GRID2: variants seen among roughly 807,000 people sequenced by gnomAD.
GRID2 encodes the protein glutamate receptor ionotropic, delta-2.
Under a neutral mutation model 114.8 loss-of-function variants are expected in GRID2, and 33 were observed. The observed-to-expected ratio is 0.29, with a 90% confidence interval of 0.22 to 0.38. The LOEUF is 0.38. Among genes scored for constraint, GRID2 ranks in the 10% least tolerant of loss-of-function variants. The pLI, the probability that GRID2 is intolerant of heterozygous loss-of-function variation, is 1.00. For synonymous variants in GRID2, 505 were observed against 449.9 expected, an observed-to-expected ratio of 1.12 and a Z score of -1.55; for missense variants, 1,184 against 1,257.7, an observed-to-expected ratio of 0.94 and a Z score of 0.89.
intron 11 of GRID2, among the ~76,000 whole-genome samples, chr4:93,489,810 A>G (rs1161956660): frequency 1.3e-5 from 2 of 151,954 alleles, no homozygotes; most frequent in South Asian, 4.1e-4. Flanking sequence ...AGGAGAGTTA[A>G]TTTGGGAGTA....
At chr4:93,491,957 C>T (rs1727049473) in intron 12 of GRID2, among the ~76,000 whole-genome samples, 1 of 151,946 alleles carries the variant, frequency 6.6e-6, no homozygotes, top group African/African-American at 2.4e-5. Context: ...TCTAGTTTCT[C>T]TCATGAAATC....
At chr4:92,528,599 T>G (rs1725156636) in intron 1 of GRID2, among the ~76,000 whole-genome samples, 1 of 151,860 alleles carries the variant, frequency 6.6e-6, no homozygotes, top group African/African-American at 2.4e-5. Flanking sequence ...CAGGGTATAC[T>G]GGGGAAGAAA....
chr4:93,646,389 T>A (rs2149715040), intron 14 of GRID2, among the ~76,000 whole-genome samples: 1 of 152,146 alleles, frequency 6.6e-6, no homozygotes, highest in African/African-American at 2.4e-5. Context: ...GGGAACCAGC[T>A]GGGAGTGTTT....
chr4:92,543,472 G>GT (rs1726081581), intron 1 of GRID2, among the ~76,000 whole-genome samples: 1 of 152,050 alleles, frequency 6.6e-6, no homozygotes, highest in East Asian at 1.9e-4. Context: ...CTTATAATAT[G>GT]CACATCCTAT....
chr4:93,722,525 C>A (rs1047243953), intron 14 of GRID2, among the ~76,000 whole-genome samples: 2 of 152,226 alleles, frequency 1.3e-5, no homozygotes, highest in African/African-American at 4.8e-5. Flanking sequence ...ACCTTCTAAT[C>A]TTTGTGTCCC....
At chr4:93,434,117 A>G (rs527283571) in intron 10 of GRID2, among the ~76,000 whole-genome samples, 4 of 152,344 alleles carry the variant, frequency 2.6e-5, no homozygotes, top group Admixed American at 2.0e-4. Context: ...ATGAACCAAG[A>G]AAATGAATTC....
intron 11 of GRID2, among the ~76,000 whole-genome samples, chr4:93,489,705 T>TG (rs1159382527): frequency 3.3e-5 from 5 of 151,918 alleles, no homozygotes; most frequent in Admixed American, 3.3e-4. Flanking sequence ...TGACAGGACT[T>TG]GCTATTGAAG....
Position 92,848,218 on chromosome 4 carries a change from A to ATTT in GRID2, c.245-236764_245-236762dup, listed in dbSNP as rs72175096. 5.3e-3 allele frequency among the ~76,000 whole-genome samples: 750 copies of ATTT among 142,804 alleles called. 11 individuals carry two copies. The highest frequency in any genetic ancestry group is 0.018 in the African/African-American group (711 of 38,678). The allele number at this position is 142,804 out of a possible 152,430, so 93.7% of individuals were successfully genotyped here. ...AACAAACACAATCACACATTCAGGG[A>ATTT]TTTTTTTTTTTTTTTCACAGAGATC... is the stretch of plus-strand genomic sequence containing the variant. On this transcript the variant is annotated intron_variant, in intron 2 of 15. Coordinates refer to ENST00000282020, the MANE Select transcript of GRID2 (RefSeq NM_001510.4).
chr4:92,462,651 C>T (rs369235252), intron 1 of GRID2, among the ~76,000 whole-genome samples: 42 of 151,864 alleles, frequency 2.8e-4, no homozygotes, highest in African/African-American at 9.9e-4. Flanking sequence ...TAATGGACTC[C>T]CTAACCAAAA....
intron 8 of GRID2, among the ~76,000 whole-genome samples, chr4:93,384,397 A>G (rs1414239173): frequency 2.0e-5 from 3 of 151,844 alleles, no homozygotes; most frequent in African/African-American, 4.8e-5. Context: ...TTTTCTTATC[A>G]TTTTCTTTGA....
intron 13 of GRID2, among the ~76,000 whole-genome samples, chr4:93,583,353 A>C (rs947769364): frequency 1.3e-5 from 2 of 152,166 alleles, no homozygotes; most frequent in Non-Finnish European, 2.9e-5. Flanking sequence ...CTTTGCTTAA[A>C]AAATAAATAA....
At chr4:92,602,410 A>G (rs1729259719) in intron 2 of GRID2, among the ~76,000 whole-genome samples, 1 of 152,106 alleles carries the variant, frequency 6.6e-6, no homozygotes, top group Non-Finnish European at 1.5e-5. Flanking sequence ...TACACAAATC[A>G]ATAAACATAA....
intron 14 of GRID2, among the ~76,000 whole-genome samples, chr4:93,704,656 T>C (rs1243432974): frequency 1.3e-5 from 2 of 152,134 alleles, no homozygotes; most frequent in East Asian, 1.9e-4. Context: ...TCTTTATGAG[T>C]TCAATCGTTT....
intron 2 of GRID2, among the ~76,000 whole-genome samples, chr4:93,056,165 C>A (rs1039814992): frequency 2.0e-5 from 3 of 151,872 alleles, no homozygotes; most frequent in Admixed American, 6.6e-5. Flanking sequence ...TCAAGCCTCA[C>A]CCAAACTGAA....
chr4:93,079,237 G>C (rs1729635712), intron 2 of GRID2, among the ~76,000 whole-genome samples: 1 of 151,624 alleles, frequency 6.6e-6, no homozygotes, highest in African/African-American at 2.4e-5. Context: ...ATACTTTCTA[G>C]GTTCTTCTCA....
intron 2 of GRID2, among the ~76,000 whole-genome samples, chr4:92,709,788 G>A (rs540119863): frequency 9.2e-5 from 14 of 151,738 alleles, no homozygotes; most frequent in African/African-American, 2.4e-4. Flanking sequence ...CTGATCTAAC[G>A]TTACAAAGGT....
chr4:93,104,383 T>G (rs1445952337), intron 3 of GRID2, among the ~76,000 whole-genome samples: 2 of 152,130 alleles, frequency 1.3e-5, no homozygotes, highest in Non-Finnish European at 2.9e-5. Flanking sequence ...TGTATACACG[T>G]GCCATGCTGG....
At chr4:93,190,628 C>G (rs1456275631) in intron 4 of GRID2, among the ~76,000 whole-genome samples, 1 of 151,988 alleles carries the variant, frequency 6.6e-6, no homozygotes, top group Non-Finnish European at 1.5e-5. Flanking sequence ...TAGTCATATT[C>G]AAAGCTAAAG....
chr4:93,625,682 G>A (rs1248823400), intron 13 of GRID2, among the ~76,000 whole-genome samples: 2 of 152,166 alleles, frequency 1.3e-5, no homozygotes, highest in African/African-American at 2.4e-5. Flanking sequence ...TTGGGAGGCC[G>A]AGGCGGGCGG....
Sources: gnomAD v4.1 joint callset for allele counts (sites outside exome capture counted in the v4.1 genomes callset) on GRCh38, gnomAD v4.1.1 for gene constraint, MANE v1.5 for transcripts, NCBI Gene and HGNC (gene_info 2026-07-23, HGNC 2026-07-21) for gene names.